Variants in ESRRB observed in about 807,000 individuals in gnomAD.
The protein encoded by ESRRB is estrogen related receptor beta, also known as steroid hormone receptor ERR2.
A neutral mutation model predicts 46.0 loss-of-function variants in ESRRB; 16 were observed. The ratio of observed to expected loss-of-function variants is 0.35; its 90% CI spans 0.24 to 0.53. The LOEUF is 0.53. Ranked by LOEUF, ESRRB falls within the 20% of genes least tolerant of loss-of-function variation. ESRRB has a pLI of 0.93. For missense variants in ESRRB, 488 were observed against 607.4 expected (o/e 0.80, Z 2.07); for synonymous variants, 246 against 259.6 (o/e 0.95, Z 0.50).
upstream of ESRRB, among the ~76,000 whole-genome samples, chr14:76,366,536 C>T (rs925943941): frequency 6.6e-6 from 1 of 152,276 alleles, no homozygotes; most frequent in African/African-American, 2.4e-5. Flanking sequence ...TTTAAGCTAC[C>T]GTCACTTGAC....
chr14:76,462,559 A>G lies in ESRRB; in HGVS notation c.475A>G (p.Ser159Gly), dbSNP rs779661621. ...TCTGGTTGCAGGGAACATTGAGTAC[A>G]GCTGCCCGGCCACCAACGAGTGCGA... ...KRTIQGNIEY[S>G]CPATNECEIT... The change falls in exon 3 of 7, where the codon AGC becomes GGC. Residue 159 changes from serine to glycine, a missense_variant. Coordinates refer to ENST00000644823, the MANE Select transcript of ESRRB (RefSeq NM_001379180.1). 3 of 1,613,922 alleles carry G rather than the reference A, an allele frequency of 1.9e-6. No homozygotes were observed. The South Asian group carries it at 3.3e-5, about 18-fold the overall frequency.
chr14:76,447,915 C>G (rs976815635), intron 2 of ESRRB, among the ~76,000 whole-genome samples: 5 of 152,306 alleles, frequency 3.3e-5, no homozygotes, highest in African/African-American at 1.2e-4. Context: ...GACCATGTCT[C>G]CCTTCTTTCT....
chr14:76,445,480 AAAAAAGAAAG>A (rs1242707074), intron 2 of ESRRB, among the ~76,000 whole-genome samples: 3 of 124,202 alleles, frequency 2.4e-5, no homozygotes, highest in African/African-American at 1.2e-4. Context: ...AAAAAAAAAA[AAAAAAGAAAG>A]AAAGAAAGAA....
intron 1 of ESRRB, among the ~76,000 whole-genome samples, chr14:76,324,101 G>A (rs1321210334): frequency 1.3e-5 from 2 of 152,190 alleles, no homozygotes; most frequent in Admixed American, 1.3e-4. Flanking sequence ...GCTGTGTTGA[G>A]GGAGTGCTCT....
intron 1 of ESRRB, among the ~76,000 whole-genome samples, chr14:76,328,638 C>G (rs920040339): frequency 2.6e-5 from 4 of 151,868 alleles, no homozygotes; most frequent in Admixed American, 6.6e-5. Flanking sequence ...CGGCAACACC[C>G]TGTTTTCCTG....
chr14:76,479,213 CTGTT>C lies in ESRRB; in HGVS notation c.578-2799_578-2796del, dbSNP rs202194118. Among the ~76,000 whole-genome samples, 1,022 of 134,362 alleles carry C rather than the reference CTGTT, an allele frequency of 7.6e-3. 8 individuals carry two copies. Among genetic ancestry groups the C allele is most frequent in the South Asian group, 0.035 (144 of 4,104 alleles). 88.1% of individuals were successfully genotyped at this position (134,362 alleles called of 152,430 possible). A position where few individuals can be genotyped will look rare whatever the true frequency, so the allele number is the denominator to read the frequency against. On this transcript the variant is annotated intron_variant, in intron 3 of 6. Transcript: ENST00000644823. Reference sequence around the variant, plus strand: ...CCTGCCCACACCTACTCAGCACTGTCTGTTTGTGTGTGTGTGTGTGTACGTGTGC... The same window carrying C: ...CCTGCCCACACCTACTCAGCACTGTCTGTGTGTGTGTGTGTGTACGTGTGC...
chr14:76,332,764 TATAA>T, intron 1 of ESRRB, among the ~76,000 whole-genome samples: 2 of 14,622 alleles, frequency 1.4e-4, no homozygotes, highest in African/African-American at 4.9e-4. Flanking sequence ...TATATAAATA[TATAA>T]TATATATTAT....
intron 1 of ESRRB, among the ~76,000 whole-genome samples, chr14:76,338,477 C>T (rs879539654): frequency 5.9e-5 from 9 of 152,240 alleles, no homozygotes; most frequent in Non-Finnish European, 1.0e-4. Flanking sequence ...TCACAGCTGC[C>T]TGCATCTTCT....
intron 1 of ESRRB, among the ~76,000 whole-genome samples, chr14:76,435,203 C>G (rs1887623414): frequency 6.6e-6 from 1 of 152,136 alleles, no homozygotes; most frequent in Non-Finnish European, 1.5e-5. Context: ...TGCAGAAGAG[C>G]CTGGAAGGAA....
At chr14:76,389,531 G>C (rs1207823984) in intron 1 of ESRRB, among the ~76,000 whole-genome samples, 2 of 152,204 alleles carry the variant, frequency 1.3e-5, no homozygotes, top group East Asian at 3.8e-4. Flanking sequence ...GAGAGCACTG[G>C]TTCTGCCACA....
At chr14:76,371,529 A>C (rs1056411757), upstream of ESRRB, 1 of 152,278 alleles carries the variant, frequency 6.6e-6, no homozygotes, top group Non-Finnish European at 1.5e-5. Context: ...AAGAGAAATG[A>C]GCTTGGCTTG....
rs1470097894 is a variant in ESRRB at position 76,330,505 on chromosome 14, C to T, written c.2+19589C>T. ...AAAAGAGGCCATCATGGCCGCTGGC[C>T]CTGGTTGCCCCCGCACTCTGTCCTG... On this transcript the variant is annotated intron_variant, in intron 1 of 6. Coordinates refer to the ESRRB transcript ENST00000512784. Among the ~76,000 whole-genome samples, 3 of 152,208 alleles carry T rather than the reference C, an allele frequency of 2.0e-5. No homozygotes were observed. The East Asian group carries it at 5.8e-4, about 29-fold the overall frequency.
intron 1 of ESRRB, among the ~76,000 whole-genome samples, chr14:76,417,131 C>T (rs1011913906): frequency 1.3e-5 from 2 of 152,024 alleles, no homozygotes; most frequent in South Asian, 2.1e-4. Context: ...AGTGAGACTC[C>T]ATCTCAAAAA....
intron 1 of ESRRB, among the ~76,000 whole-genome samples, chr14:76,327,991 G>A (rs937323354): frequency 1.3e-5 from 2 of 152,138 alleles, no homozygotes; most frequent in Non-Finnish European, 2.9e-5. Flanking sequence ...TGGGGTTACA[G>A]GCGTGAGCCA....
At chr14:76,383,405 T>C (rs1401336318) in intron 1 of ESRRB, among the ~76,000 whole-genome samples, 1 of 152,192 alleles carries the variant, frequency 6.6e-6, no homozygotes, top group Admixed American at 6.5e-5. Flanking sequence ...AAAGGGTCTT[T>C]GAGAATCATT....
At chr14:76,345,601 A>G (rs1271681653) in intron 1 of ESRRB, among the ~76,000 whole-genome samples, 13 of 152,240 alleles carry the variant, frequency 8.5e-5, no homozygotes, top group Non-Finnish European at 1.9e-4. Context: ...GTGGGAATGT[A>G]CACTAGTACA....
At chr14:76,311,492 T>C (rs11159191) in intron 1 of ESRRB, among the ~76,000 whole-genome samples, 152,039 of 152,302 alleles carry the variant, frequency 1, 75,888 homozygotes, top group Middle Eastern at 1. Flanking sequence ...AAGTAAATGA[T>C]TTTCCCTCTC....
intron 1 of ESRRB, among the ~76,000 whole-genome samples, chr14:76,329,836 T>C (rs1447256075): frequency 6.6e-6 from 1 of 152,124 alleles, no homozygotes; most frequent in African/African-American, 2.4e-5. Flanking sequence ...CAAAAGCCTG[T>C]CTTTACGAGG....
intron 1 of ESRRB, among the ~76,000 whole-genome samples, chr14:76,382,353 G>C (rs1316397084): frequency 1.3e-5 from 2 of 152,184 alleles, no homozygotes; most frequent in Non-Finnish European, 2.9e-5. Context: ...GGACTGCAGG[G>C]GCACCTGCTA....
Sources: allele counts gnomAD v4.1 joint callset (sites outside exome capture counted in the v4.1 genomes callset), GRCh38; gene constraint gnomAD v4.1.1; transcripts MANE v1.5; gene names NCBI Gene and HGNC (gene_info 2026-07-23, HGNC 2026-07-21).